MYOM3: variants seen among roughly 807,000 people sequenced by gnomAD.
MYOM3 encodes the protein myomesin 3.
MYOM3 carries 155 observed loss-of-function variants against 191.7 expected under a neutral mutation model. That is an observed-to-expected ratio of 0.81 (90% CI 0.71 to 0.92). MYOM3 has a LOEUF of 0.92. Ranked by LOEUF, MYOM3 falls within the 40% of genes least tolerant of loss-of-function variation. The pLI is 0.00. For missense variants in MYOM3, 1,889 were observed against 1,890.6 expected, an observed-to-expected ratio of 1.00 and a Z score of 0.02; for synonymous variants, 757 against 762.9, an observed-to-expected ratio of 0.99 and a Z score of 0.13.
rs367661040 is a variant in MYOM3, at chr1:24,074,261, A to G, written c.2867T>C (p.Val956Ala). 3.1e-6 allele frequency: 5 copies of G among 1,613,448 alleles called. No individual in the cohort carries two copies. The African/African-American group carries it at 6.7e-5, about 22-fold the overall frequency. ...KIEDKVNKSKVILKEPGLEDL... is the reference protein window; with the variant it reads ...KIEDKVNKSKAILKEPGLEDL... ...CTCGAGGCCGGGTTCTTTCAGGATG[A>G]CCTTGGACCTGGCAGAGAGAGGAGA... Residue 956 changes from valine (V) to alanine (A), a missense_variant, in exon 23 of 37, where the codon GTC (valine) becomes GCC (alanine). Transcript: ENST00000374434.
In MYOM3 at chr1:24,093,141, G is replaced by T. The variant is rs749549090; in HGVS notation, c.929-33C>A. Reference sequence around the variant, plus strand: ...GGGGAAGTGGGGGGCCATTGAGTTTGTGGGGGGTCCTGGTCTCACCTGGGA... The same window carrying T: ...GGGGAAGTGGGGGGCCATTGAGTTTTTGGGGGGTCCTGGTCTCACCTGGGA... On this transcript the variant is annotated intron_variant, in intron 9 of 36. Transcript: ENST00000374434. 1.9e-6 allele frequency: 3 copies of T among 1,566,760 alleles called. No homozygotes were observed. In the East Asian group the frequency reaches 6.8e-5, roughly 35 times the overall value.
intron 23 of MYOM3, 89 bp downstream of exon 23, chr1:24,074,071 T>G: frequency 9.4e-6 from 9 of 960,850 alleles, no homozygotes; most frequent in Non-Finnish European, 1.3e-5. Flanking sequence ...ACTTTACTCA[T>G]TTTGGTTGCT....
At chr1:24,066,498 C>T in intron 28 of MYOM3, 1 of 510,064 alleles carries the variant, frequency 2.0e-6, no homozygotes, top group Non-Finnish European at 3.5e-6. Context: ...GTTATCTAAA[C>T]AGGCTGAAGA....
intron 9 of MYOM3, among the ~76,000 whole-genome samples, chr1:24,093,827 G>C (rs1643864422): frequency 6.6e-6 from 1 of 152,140 alleles, no homozygotes; most frequent in African/African-American, 2.4e-5. Flanking sequence ...CTCCCAGCAG[G>C]TGCAGCCTCC....
Position 24,063,248 on chromosome 1 carries a change from G to T in MYOM3, c.3662-14C>A, listed in dbSNP as rs1419429524. On this transcript the variant is annotated splice_polypyrimidine_tract_variant and intron_variant, in intron 31 of 36. Transcript: ENST00000374434. The surrounding 1 kb of genome is among the most constrained non-coding windows in gnomAD (Gnocchi z 4.5). Reference sequence around the variant, plus strand: ...TTGCAGAGAGGGCTGGGGAGACAGAGGAGAAGGATGAATCTTCCCTGAGGC... The same window carrying T: ...TTGCAGAGAGGGCTGGGGAGACAGATGAGAAGGATGAATCTTCCCTGAGGC... 2 of 1,604,528 alleles carry T rather than the reference G, an allele frequency of 1.2e-6. No homozygotes were observed. Among genetic ancestry groups the T allele is most frequent in the African/African-American group, 2.7e-5 (2 of 74,854 alleles).
At chr1:24,103,268 T>C (rs1643953860) in intron 5 of MYOM3, among the ~76,000 whole-genome samples, 1 of 152,206 alleles carries the variant, frequency 6.6e-6, no homozygotes, top group African/African-American at 2.4e-5. Context: ...CCTAGTGGGA[T>C]CAGCAACTTG....
At chr1:24,074,945 C>T (rs777455719) in intron 22 of MYOM3, among the ~76,000 whole-genome samples, 27 of 152,068 alleles carry the variant, frequency 1.8e-4, no homozygotes, top group Non-Finnish European at 2.1e-4. Context: ...ATTAGCTGGG[C>T]ATGGTGACAT....
rs1438812484 is a variant in MYOM3, at chr1:24,080,053, G to A, written c.2549C>T (p.Pro850Leu). The change falls in exon 20 of 37, where the codon CCG becomes CTG. Residue 850 changes from proline (P) to leucine (L), a missense_variant. Physicochemically the swap from Pro to Leu is moderately conservative, Grantham distance 98. Transcript: ENST00000374434. Reference protein sequence around the residue: ...FQEEGSEQWKPVTPGPISGTH... With the variant: ...FQEEGSEQWKLVTPGPISGTH... ...GCCAGAGATGGGGCCTGGGGTGACC[G>A]GCTTCCACTGCTCAGAGCCTTCCTC... 26 of 1,613,894 alleles carry A rather than the reference G, an allele frequency of 1.6e-5. No individual in the cohort carries two copies. Among genetic ancestry groups the A allele is most frequent in the Middle Eastern group, 1.6e-4 (1 of 6,082 alleles).
In MYOM3 at chr1:24,108,084, A is replaced by T. The variant is rs771736981; in HGVS notation, c.162-11T>A. ...TCATGCTCTTCTTCGCTGCTCCCAGAAGGAGGGGAGTAAATGGCTCTTGCA... is the reference window on the plus strand; with the variant it reads ...TCATGCTCTTCTTCGCTGCTCCCAGTAGGAGGGGAGTAAATGGCTCTTGCA... On this transcript the variant is annotated splice_polypyrimidine_tract_variant and intron_variant, in intron 2 of 36. Transcript: ENST00000374434. 6.2e-7 allele frequency: 1 copy of T among 1,612,616 alleles called. No individual in the cohort carries two copies. The highest frequency in any genetic ancestry group is 1.7e-5 in the Admixed American group (1 of 59,858).
chr1:24,097,833 T>A (rs1465722259), intron 7 of MYOM3, 90 bp downstream of exon 7: 6 of 903,664 alleles, frequency 6.6e-6, no homozygotes, highest in Non-Finnish European at 1.1e-5. Flanking sequence ...CCTATGGCCC[T>A]TCCTCAGGTC....
chr1:24,104,624 C>T (rs528124814), intron 5 of MYOM3, among the ~76,000 whole-genome samples: 21 of 152,166 alleles, frequency 1.4e-4, no homozygotes, highest in South Asian at 1.0e-3. Flanking sequence ...TACAGGCACC[C>T]GCCACCATAC....
At chr1:24,107,621 G>A (rs116268433) in intron 3 of MYOM3, among the ~76,000 whole-genome samples, 2,115 of 152,230 alleles carry the variant, frequency 0.014, 49 homozygotes, top group African/African-American at 0.049. Flanking sequence ...GCCTCTCCAC[G>A]CCGGCACACT....
intron 24 of MYOM3, 114 bp downstream of exon 24, chr1:24,071,855 C>T (rs549339673): frequency 1.9e-4 from 211 of 1,084,108 alleles, no homozygotes; most frequent in South Asian, 7.3e-4. Flanking sequence ...TTCTCCCACC[C>T]TCTGTCCCTC....
In MYOM3 at chr1:24,095,047, G is replaced by A. The variant is rs1643870976; in HGVS notation, c.791-57C>T. 2.6e-6 allele frequency: 4 copies of A among 1,556,370 alleles called. No homozygotes were observed. The Admixed American group carries it at 7.6e-5, about 30-fold the overall frequency. ...TTTTGAGGCAGCCAGCCTGGCCTGG[G>A]ACTTAGGAGTGAGGAAATTTCTGGG... On this transcript the variant is annotated intron_variant, in intron 8 of 36. Transcript: ENST00000374434.
At position 24,087,042 on chromosome 1, in the gene MYOM3, G is replaced by A. The variant is rs1643759383; in HGVS notation, c.1615-215C>T. 6.6e-6 allele frequency among the ~76,000 whole-genome samples: 1 copy of A among 151,850 alleles called. No individual in the cohort carries two copies. Among genetic ancestry groups the A allele is most frequent in the Admixed American group, 6.6e-5 (1 of 15,244 alleles). On this transcript the variant is annotated intron_variant, in intron 14 of 36. Coordinates refer to ENST00000374434, the MANE Select transcript of MYOM3 (RefSeq NM_152372.4). This position sits in a 1 kb window ranked among gnomAD's most constrained non-coding sequence, Gnocchi z 4.5. ...CTCACGTCCAGCCTGTCCACAACGC[G>A]GCTCCAGAGCTTCCCACACCTGCAT...
intron 23 of MYOM3, 132 bp downstream of exon 23, chr1:24,074,028 T>G (rs952991208): frequency 6.2e-6 from 4 of 643,662 alleles, no homozygotes; most frequent in Admixed American, 2.8e-5. Context: ...AAAGAATGGG[T>G]GGGTGAGGGC....
At position 24,089,519 on chromosome 1, in the gene MYOM3, G is replaced by T; in HGVS notation, c.1614+19C>A. ...TGTTTCTCAGGCTGGCCTGGGGCTG[G>T]GGCCTCGGGGTTCCCTACCTTCTCC... On this transcript the variant is annotated intron_variant, in intron 14 of 36. Transcript: ENST00000374434. 6.3e-7 allele frequency: 1 copy of T among 1,588,588 alleles called. No homozygotes were observed. Among genetic ancestry groups the T allele is most frequent in the Non-Finnish European group, 8.6e-7 (1 of 1,167,150 alleles).
chr1:24,099,332 C>T (rs553371166), intron 6 of MYOM3, among the ~76,000 whole-genome samples: 1 of 152,186 alleles, frequency 6.6e-6, no homozygotes, highest in East Asian at 1.9e-4. Context: ...GTATTTTTCT[C>T]TCCCCCACAA....
intron 25 of MYOM3, 89 bp downstream of exon 25, chr1:24,071,028 G>T: frequency 6.8e-7 from 1 of 1,473,016 alleles, no homozygotes; most frequent in Non-Finnish European, 9.3e-7. Context: ...CCACTAGGGG[G>T]AAGTACCAGC....
Sources: gnomAD v4.1 joint callset for allele counts (sites outside exome capture counted in the v4.1 genomes callset) on GRCh38, gnomAD v4.1.1 for gene constraint, Gnocchi (gnomAD v3.1) non-coding constraint, MANE v1.5 for transcripts, NCBI Gene and HGNC (gene_info 2026-07-23, HGNC 2026-07-21) for gene names.